Variants in SCUBE3 observed in about 807,000 individuals in gnomAD.
The protein encoded by SCUBE3 is signal peptide, CUB and EGF-like domain-containing protein 3.
In SCUBE3, 33 loss-of-function variants were observed where a neutral mutation model predicts 116.8. That is an observed-to-expected ratio of 0.28 (90% CI 0.21 to 0.38). The LOEUF is 0.38. Among genes scored for constraint, SCUBE3 ranks in the 10% least tolerant of loss-of-function variants. The pLI is 1.00. For synonymous variants in SCUBE3, 418 were observed against 496.9 expected (o/e 0.84, Z 2.11); for missense variants, 1,007 against 1,324.8 (o/e 0.76, Z 3.72).
chr6:35,217,010 A>G (rs965132401), intron 1 of SCUBE3, among the ~76,000 whole-genome samples: 1 of 151,682 alleles, frequency 6.6e-6, no homozygotes, highest in Non-Finnish European at 1.5e-5. Flanking sequence ...GCTAAGGGTA[A>G]ACTGCTGTTT....
At position 35,250,745 on chromosome 6, in the gene SCUBE3, G is replaced by A. The variant is rs1320794802; in HGVS notation, c.*2040G>A. The A allele has an allele frequency of 6.9e-6, 1 of 144,324 alleles. No individual in the cohort carries two copies. The highest frequency in any genetic ancestry group is 1.5e-5 in the Non-Finnish European group (1 of 66,840). The allele number at this position is 144,324 out of a possible 1,614,324, so 8.9% of individuals were successfully genotyped here. A position where few individuals can be genotyped will look rare whatever the true frequency, so the allele number is the denominator to read the frequency against. On this transcript the variant is annotated 3_prime_UTR_variant, in exon 22 of 22. Transcript: ENST00000274938. ...TTTTTTTTTCTTTTTAACTCTCCTG[G>A]TAACTCACAGAACAGCTCAGGTTCA... is the stretch of plus-strand genomic sequence containing the variant.
chr6:35,224,741 A>G (rs1202204187), intron 1 of SCUBE3: 1 of 152,144 alleles, frequency 6.6e-6, no homozygotes, highest in East Asian at 1.9e-4. Flanking sequence ...AGGCAAAGGA[A>G]AGAATTGGGA....
Position 35,244,654 on chromosome 6 carries a change from GTGCTCCCCAGGGCAC to G in SCUBE3, c.2246_2260del (p.Cys749_His753del), listed in dbSNP as rs1784252218. The G allele has an allele frequency of 3.1e-6, 5 of 1,613,904 alleles. No individual in the cohort carries two copies. Among genetic ancestry groups the G allele is most frequent in the Non-Finnish European group, 4.2e-6 (5 of 1,179,952 alleles). On this transcript the variant is annotated inframe_deletion, in exon 18 of 22. Coordinates refer to ENST00000274938, the MANE Select transcript of SCUBE3 (RefSeq NM_152753.4). The surrounding 1 kb of genome is among the most constrained non-coding windows in gnomAD (Gnocchi z 4.3). Reference sequence around the variant, plus strand: ...GCCCTTCTCCCTTGCCTACAGTCCAGTGCTCCCCAGGGCACTACTACAACACCAGCATCCACCGCT... The same window carrying G: ...GCCCTTCTCCCTTGCCTACAGTCCAGTACTACAACACCAGCATCCACCGCT...
In SCUBE3 at chr6:35,235,478, C is replaced by G; in HGVS notation, c.712+2177C>G. The stretch of plus-strand genomic sequence containing the variant: ...GCGGCTAGAGCAGCACATCCCCACT[C>G]AAGCCGTTTCTAATGGTAAATATGT... On this transcript the variant is annotated intron_variant, in intron 6 of 21. Transcript: ENST00000274938. The surrounding 1 kb of genome is among the most constrained non-coding windows in gnomAD (Gnocchi z 4.5). 1.6e-6 allele frequency: 2 copies of G among 1,287,162 alleles called. No homozygotes were observed. The highest frequency in any genetic ancestry group is 2.0e-6 in the Non-Finnish European group (2 of 986,480). The allele number at this position is 1,287,162 out of a possible 1,614,324, so 79.7% of individuals were successfully genotyped here. A position where few individuals can be genotyped will look rare whatever the true frequency, so the allele number is the denominator to read the frequency against.
At chr6:35,216,578 C>T (rs1002178730) in intron 1 of SCUBE3, among the ~76,000 whole-genome samples, 24 of 152,198 alleles carry the variant, frequency 1.6e-4, no homozygotes, top group Admixed American at 2.6e-4. Flanking sequence ...CAGGCAGATG[C>T]TGCAGGAAGA....
rs1782823490 is a variant in SCUBE3 at position 35,214,865 on chromosome 6, C to T, written c.85+362C>T. On this transcript the variant is annotated intron_variant, in intron 1 of 21. Transcript: ENST00000274938. The surrounding 1 kb of genome is among the most constrained non-coding windows in gnomAD (Gnocchi z 6.3). ...TCTCAAACATTGCCAGAAACTTACG[C>T]TGTGGCCTGGAGAGACTGAGGGAAT... Among the ~76,000 whole-genome samples, 1 of 152,228 alleles carries T rather than the reference C, an allele frequency of 6.6e-6. No individual in the cohort carries two copies. Among genetic ancestry groups the T allele is most frequent in the South Asian group, 2.1e-4 (1 of 4,830 alleles).
chr6:35,217,263 G>GGGGGGGGGGGGGGGGGGGGGGA (rs1782957391), intron 1 of SCUBE3, among the ~76,000 whole-genome samples: 1 of 101,412 alleles, frequency 9.9e-6, no homozygotes, highest in Non-Finnish European at 2.0e-5. Flanking sequence ...CGGGGGGGGG[G>GGGGGGGGGGGGGGGGGGGGGGA]GTGTGTGCAG....
chr6:35,232,745 C>T lies in SCUBE3; in HGVS notation c.470-105C>T. 8.8e-7 allele frequency: 1 copy of T among 1,132,610 alleles called. No homozygotes were observed. The highest frequency in any genetic ancestry group is 1.4e-5 in the South Asian group (1 of 72,110). 70.2% of individuals were successfully genotyped at this position (1,132,610 alleles called of 1,614,324 possible). On this transcript the variant is annotated intron_variant, in intron 4 of 21. Transcript: ENST00000274938. The surrounding 1 kb of genome is among the most constrained non-coding windows in gnomAD (Gnocchi z 4.2). ...AGTCCCCTCGTGTTGAATTCAACCT[C>T]AGTAGAATTCTCCCAGTTCCCTAGG...
chr6:35,237,587 G>A (rs753915362), intron 6 of SCUBE3, among the ~76,000 whole-genome samples: 3 of 137,194 alleles, frequency 2.2e-5, no homozygotes, highest in Admixed American at 7.1e-5. Context: ...ACTGCCCCCC[G>A]CCCCACCTCC....
rs1562055256 is a variant in SCUBE3 at position 35,241,131 on chromosome 6, CT to C, written c.1070-8del. 2 of 1,583,954 alleles carry C rather than the reference CT, an allele frequency of 1.3e-6. No homozygotes were observed. Among genetic ancestry groups the C allele is most frequent in the Admixed American group, 3.4e-5 (2 of 58,544 alleles). ...TCGTTGTTTTTCTGTCTCCCTACTC[CT>C]TCCCCCAGATGTGGATGAATGCAGC... On this transcript the variant is annotated splice_polypyrimidine_tract_variant and intron_variant, in intron 9 of 21. Transcript: ENST00000274938. This position sits in a 1 kb window ranked among gnomAD's most constrained non-coding sequence, Gnocchi z 4.1.
intron 21 of SCUBE3, 95 bp from the exon 22 acceptor site, chr6:35,248,461 G>C: frequency 8.7e-7 from 1 of 1,152,162 alleles, no homozygotes; most frequent in Non-Finnish European, 1.3e-6. Context: ...AGTATAGGAT[G>C]CCTAGTAGAC....
chr6:35,229,140 A>G (rs1783434555), intron 3 of SCUBE3, among the ~76,000 whole-genome samples: 1 of 152,082 alleles, frequency 6.6e-6, no homozygotes, highest in South Asian at 2.1e-4. Flanking sequence ...CAGGTGTGGT[A>G]GCTCACACCT....
intron 1 of SCUBE3, chr6:35,221,794 G>C (rs114243772): frequency 2.2e-4 from 34 of 152,200 alleles, no homozygotes; most frequent in African/African-American, 8.0e-4. Flanking sequence ...ATGGTACAAG[G>C]TAGCATATGA....
In SCUBE3 at chr6:35,245,332, C is replaced by A. The variant is rs1562060486; in HGVS notation, c.2506C>A (p.Pro836Thr). The A allele has an allele frequency of 6.2e-7, 1 of 1,613,966 alleles. No individual in the cohort carries two copies. Among genetic ancestry groups the A allele is most frequent in the Non-Finnish European group, 8.5e-7 (1 of 1,179,988 alleles). The change falls in exon 19 of 22, where the codon CCC (proline) becomes ACC (threonine). Residue 836 changes from proline (P) to threonine (T), a missense_variant. Transcript: ENST00000274938. The surrounding 1 kb of genome is among the most constrained non-coding windows in gnomAD (Gnocchi z 4.2). ...TGTGGAGTGCATCTGGAACATCAACCCCCCACCCAAGCGCAAGATCCTTAT... is the reference window on the plus strand; with the variant it reads ...TGTGGAGTGCATCTGGAACATCAACACCCCACCCAAGCGCAAGATCCTTAT... ...AGVECIWNIN[P>T]PPKRKILIVV...
At chr6:35,242,822 G>GCTCC in intron 14 of SCUBE3, 42 bp downstream of exon 14, 3 of 1,601,434 alleles carry the variant, frequency 1.9e-6, no homozygotes, top group Non-Finnish European at 2.6e-6. Context: ...TGGAAGGGGA[G>GCTCC]GGCAGAGGTG....
chr6:35,237,553 C>T (rs1307884537), intron 6 of SCUBE3, among the ~76,000 whole-genome samples: 4 of 152,148 alleles, frequency 2.6e-5, no homozygotes, highest in African/African-American at 7.2e-5. Flanking sequence ...CAGAACCACC[C>T]TCACTTAGCT....
chr6:35,225,085 C>A (rs1783273282), intron 1 of SCUBE3, among the ~76,000 whole-genome samples: 1 of 151,564 alleles, frequency 6.6e-6, no homozygotes, highest in African/African-American at 2.4e-5. Flanking sequence ...GTCATACTGT[C>A]TCGAGCATCT....
chr6:35,217,728 T>C (rs966601076), intron 1 of SCUBE3, among the ~76,000 whole-genome samples: 2 of 151,684 alleles, frequency 1.3e-5, no homozygotes, highest in African/African-American at 4.8e-5. Context: ...CGGGTAAGGG[T>C]GGCCCCGTGG....
In SCUBE3 at chr6:35,251,091, A is replaced by G. The variant is rs1237159919; in HGVS notation, c.*2386A>G. 1 of 151,936 alleles carries G rather than the reference A, an allele frequency of 6.6e-6. No homozygotes were observed. Among genetic ancestry groups the G allele is most frequent in the Non-Finnish European group, 1.5e-5 (1 of 67,998 alleles). 9.4% of individuals were successfully genotyped at this position (151,936 alleles called of 1,614,324 possible). ...AGGAAGCACCATGAAAACTGCTTTA[A>G]TCAACTCTGACTATCCTAATTCTCC... On this transcript the variant is annotated 3_prime_UTR_variant, in exon 22 of 22. Coordinates refer to ENST00000274938, the MANE Select transcript of SCUBE3 (RefSeq NM_152753.4).
Sources: allele counts gnomAD v4.1 joint callset (sites outside exome capture counted in the v4.1 genomes callset), GRCh38; gene constraint gnomAD v4.1.1; non-coding constraint Gnocchi (gnomAD v3.1); transcripts MANE v1.5; gene names NCBI Gene and HGNC (gene_info 2026-07-23, HGNC 2026-07-21).